SGCZ: variants seen among roughly 807,000 people sequenced by gnomAD.
The protein encoded by SGCZ is sarcoglycan zeta.
Under a neutral mutation model 41.3 loss-of-function variants are expected in SGCZ, and 40 were observed. The ratio of observed to expected loss-of-function variants is 0.97; its 90% CI spans 0.75 to 1.26. The LOEUF (loss-of-function observed/expected upper bound fraction) is 1.26, where lower values mean the gene tolerates loss of function less well. Among genes scored for constraint, SGCZ ranks in the 50% most tolerant of loss-of-function variants. The pLI is 0.00. For synonymous variants in SGCZ, 206 were observed against 137.5 expected (o/e 1.50, Z -3.49); for missense variants, 552 against 369.8 (o/e 1.49, Z -4.04).
intron 3 of SGCZ, among the ~76,000 whole-genome samples, chr8:14,272,964 G>C (rs1585306627): frequency 6.6e-6 from 1 of 151,968 alleles, no homozygotes; most frequent in East Asian, 1.9e-4. Context: ...AAATATATGA[G>C]TGTGAATGTC....
intron 2 of SGCZ, among the ~76,000 whole-genome samples, chr8:14,487,216 C>T (rs1171232976): frequency 2.0e-5 from 3 of 152,028 alleles, no homozygotes; most frequent in Admixed American, 1.3e-4. Flanking sequence ...AGTTATATTC[C>T]ACCTCATCAT....
At chr8:14,092,344 G>A (rs12543031) in intron 7 of SGCZ, among the ~76,000 whole-genome samples, 41,411 of 151,910 alleles carry the variant, frequency 0.27, 6,225 homozygotes, top group African/African-American at 0.39. Flanking sequence ...GTTTTTTCCA[G>A]TTGTGTGAAG....
intron 3 of SGCZ, among the ~76,000 whole-genome samples, chr8:14,264,722 G>A (rs867082746): frequency 3.3e-5 from 5 of 152,302 alleles, no homozygotes; most frequent in Admixed American, 1.3e-4. Context: ...AGCACTTTGG[G>A]AGTCCGAGGC....
At chr8:14,410,508 A>G (rs2117274692) in intron 2 of SGCZ, among the ~76,000 whole-genome samples, 1 of 151,496 alleles carries the variant, frequency 6.6e-6, no homozygotes, top group East Asian at 1.9e-4. Context: ...TTTGGACTGT[A>G]ATGTGAAATG....
chr8:14,292,068 G>C (rs1800857645), intron 3 of SGCZ, among the ~76,000 whole-genome samples: 1 of 151,932 alleles, frequency 6.6e-6, no homozygotes, highest in Non-Finnish European at 1.5e-5. Flanking sequence ...AAGCTTCAAG[G>C]CTCAAGACTG....
chr8:14,566,494 G>A (rs947440622), intron 1 of SGCZ, among the ~76,000 whole-genome samples: 4 of 152,150 alleles, frequency 2.6e-5, no homozygotes, highest in African/African-American at 9.7e-5. Context: ...AAGAGACAAT[G>A]GACCCAAGAA....
chr8:14,169,604 C>G (rs1244470338), intron 4 of SGCZ, among the ~76,000 whole-genome samples: 1 of 152,118 alleles, frequency 6.6e-6, no homozygotes, highest in African/African-American at 2.4e-5. Context: ...TCTCCTTTAC[C>G]AACAACACAC....
intron 5 of SGCZ, among the ~76,000 whole-genome samples, chr8:14,160,795 G>A (rs908199909): frequency 2.0e-5 from 3 of 152,044 alleles, no homozygotes; most frequent in Admixed American, 6.6e-5. Context: ...TAGAGTGAAC[G>A]TAAATATCAT....
chr8:14,091,131 C>G (rs186924569), intron 7 of SGCZ, among the ~76,000 whole-genome samples: 4 of 151,832 alleles, frequency 2.6e-5, no homozygotes, highest in African/African-American at 9.7e-5. Flanking sequence ...ATCATGGTTT[C>G]CAGCTTCATC....
intron 1 of SGCZ, among the ~76,000 whole-genome samples, chr8:15,098,657 CT>C (rs954612063): frequency 5.9e-5 from 9 of 151,870 alleles, no homozygotes; most frequent in Non-Finnish European, 1.2e-4. Flanking sequence ...CCTGTTCTGC[CT>C]TTTTTTTCTG....
intron 1 of SGCZ, among the ~76,000 whole-genome samples, chr8:15,029,033 A>G (rs1472663768): frequency 6.6e-6 from 1 of 152,136 alleles, no homozygotes; most frequent in Non-Finnish European, 1.5e-5. Flanking sequence ...TACCTGTTAC[A>G]ACATCAATGC....
intron 1 of SGCZ, among the ~76,000 whole-genome samples, chr8:14,939,953 A>T (rs1800214060): frequency 6.6e-6 from 1 of 152,156 alleles, no homozygotes; most frequent in Non-Finnish European, 1.5e-5. Flanking sequence ...CTGTTCTTTC[A>T]TTGAAACATC....
intron 2 of SGCZ, among the ~76,000 whole-genome samples, chr8:14,440,215 T>C (rs990954533): frequency 3.3e-5 from 5 of 152,100 alleles, no homozygotes; most frequent in Non-Finnish European, 5.9e-5. Flanking sequence ...GTCATAGATA[T>C]ATGATATTTT....
intron 1 of SGCZ, among the ~76,000 whole-genome samples, chr8:14,981,704 T>C (rs1801668183): frequency 6.6e-6 from 1 of 152,122 alleles, no homozygotes; most frequent in Admixed American, 6.5e-5. Flanking sequence ...TGTGTATAAA[T>C]ATACACAGGA....
intron 1 of SGCZ, among the ~76,000 whole-genome samples, chr8:14,891,264 G>T (rs1362255792): frequency 5.3e-5 from 8 of 152,168 alleles, no homozygotes; most frequent in Admixed American, 3.3e-4. Context: ...GAAAGGATTT[G>T]CCATTCTCAG....
At position 15,238,206 on chromosome 8, in the gene SGCZ, G is replaced by A. The variant is rs1802207500; in HGVS notation, c.-583C>T. The stretch of plus-strand genomic sequence containing the variant: ...TAGACTTAAAAAATGTCTTGTAGCT[G>A]AGAGGTATTTTCTCAGTGGGGAAAA... On this transcript the variant is annotated 5_prime_UTR_variant, in exon 1 of 8. Coordinates refer to ENST00000382080, the MANE Select transcript of SGCZ (RefSeq NM_139167.4). 6.6e-6 allele frequency: 1 copy of A among 152,498 alleles called. No individual in the cohort carries two copies. The highest frequency in any genetic ancestry group is 1.9e-4 in the East Asian group (1 of 5,188). The allele number at this position is 152,498 out of a possible 1,614,324, so 9.4% of individuals were successfully genotyped here.
At chr8:14,833,455 C>A (rs1434943754) in intron 1 of SGCZ, among the ~76,000 whole-genome samples, 2 of 152,140 alleles carry the variant, frequency 1.3e-5, no homozygotes, top group Non-Finnish European at 2.9e-5. Flanking sequence ...ACTTTTCTGA[C>A]CCATTGACAT....
chr8:14,869,465 A>C (rs1281303052), intron 1 of SGCZ, among the ~76,000 whole-genome samples: 2 of 152,206 alleles, frequency 1.3e-5, no homozygotes, highest in East Asian at 3.9e-4. Context: ...ATTTATGACA[A>C]ACCCACAGCC....
At chr8:14,963,129 A>G (rs1585416868) in intron 1 of SGCZ, among the ~76,000 whole-genome samples, 2 of 152,298 alleles carry the variant, frequency 1.3e-5, no homozygotes, top group African/African-American at 4.8e-5. Flanking sequence ...TGGGTCACAA[A>G]TGAGTATCAC....
Sources: allele counts gnomAD v4.1 joint callset (sites outside exome capture counted in the v4.1 genomes callset), GRCh38; gene constraint gnomAD v4.1.1; transcripts MANE v1.5; gene names NCBI Gene and HGNC (gene_info 2026-07-23, HGNC 2026-07-21).